Variants in ABI3BP observed in about 807,000 individuals in gnomAD.
The protein encoded by ABI3BP is ABI family member 3 binding protein.
Under a neutral mutation model 268.6 loss-of-function variants are expected in ABI3BP, and 216 were observed. The observed-to-expected ratio is 0.80, with a 90% CI of 0.72 to 0.90. The LOEUF is 0.90. Ranked by LOEUF, ABI3BP falls within the 40% of genes least tolerant of loss-of-function variation. ABI3BP has a pLI of 0.00. For missense variants in ABI3BP, 2,090 were observed against 2,182.4 expected (o/e 0.96, Z 0.84); for synonymous variants, 730 against 730.0 (o/e 1.00, Z 0.00).
intron 1 of ABI3BP, among the ~76,000 whole-genome samples, chr3:100,956,441 G>T (rs1049477598): frequency 2.0e-5 from 3 of 152,104 alleles, no homozygotes; most frequent in Admixed American, 2.0e-4. Flanking sequence ...AGGTCAATTC[G>T]TTAAATTGTT....
At chr3:100,955,528 C>G (rs1196585659) in intron 1 of ABI3BP, among the ~76,000 whole-genome samples, 1 of 152,160 alleles carries the variant, frequency 6.6e-6, no homozygotes, top group African/African-American at 2.4e-5. Flanking sequence ...TTAAATTAGA[C>G]TATTCTCTGC....
intron 1 of ABI3BP, among the ~76,000 whole-genome samples, chr3:100,942,096 T>C (rs1426826140): frequency 6.6e-6 from 1 of 152,158 alleles, no homozygotes; most frequent in African/African-American, 2.4e-5. Flanking sequence ...CTTATCTGCT[T>C]TTTATTTTAT....
At chr3:100,794,140 G>T (rs1456625902) in intron 54 of ABI3BP, among the ~76,000 whole-genome samples, 1 of 151,952 alleles carries the variant, frequency 6.6e-6, no homozygotes, top group African/African-American at 2.4e-5. Context: ...AATCTGAGAG[G>T]CCTTTCCTTA....
chr3:100,807,246 G>T (rs1175119073), intron 50 of ABI3BP, among the ~76,000 whole-genome samples: 1 of 151,390 alleles, frequency 6.6e-6, no homozygotes, highest in Non-Finnish European at 1.5e-5. Context: ...TAATAACTTG[G>T]TATATTCTTA....
intron 1 of ABI3BP, among the ~76,000 whole-genome samples, chr3:100,956,070 C>T (rs2076718093): frequency 6.6e-6 from 1 of 151,818 alleles, no homozygotes; most frequent in Non-Finnish European, 1.5e-5. Context: ...TACCTGTAAT[C>T]CCAGCTACTT....
chr3:100,947,380 G>A (rs967320956), intron 1 of ABI3BP, among the ~76,000 whole-genome samples: 2 of 152,100 alleles, frequency 1.3e-5, no homozygotes, highest in African/African-American at 4.8e-5. Context: ...GCCAATGTTC[G>A]CAAAATCTAA....
chr3:100,760,162 A>T (rs540494979), intron 63 of ABI3BP, among the ~76,000 whole-genome samples: 2 of 152,364 alleles, frequency 1.3e-5, no homozygotes, highest in East Asian at 3.9e-4. Context: ...AAATCCTCCC[A>T]AGCCAGAGAG....
At chr3:100,758,212 A>C (rs541487350) in intron 63 of ABI3BP, among the ~76,000 whole-genome samples, 2 of 152,328 alleles carry the variant, frequency 1.3e-5, no homozygotes, top group South Asian at 2.1e-4. Flanking sequence ...ACAGCTCACT[A>C]ATGTGTGACT....
At chr3:100,791,063 T>C (rs1577828967) in intron 55 of ABI3BP, among the ~76,000 whole-genome samples, 1 of 151,836 alleles carries the variant, frequency 6.6e-6, no homozygotes, top group South Asian at 2.1e-4. Context: ...CACCAAACAA[T>C]ATATGGCCTT....
intron 1 of ABI3BP, chr3:100,945,566 A>G (rs943916880): frequency 7.2e-6 from 3 of 417,166 alleles, no homozygotes; most frequent in African/African-American, 2.1e-5. Flanking sequence ...GTAATTAAAT[A>G]TAAATGGACT....
chr3:100,870,535 G>A (rs767307930), intron 9 of ABI3BP, among the ~76,000 whole-genome samples: 1 of 152,056 alleles, frequency 6.6e-6, no homozygotes, highest in African/African-American at 2.4e-5. Flanking sequence ...TAAGCAAAAC[G>A]ATAAAAAATA....
At chr3:100,988,913 A>T (rs907036411) in intron 1 of ABI3BP, among the ~76,000 whole-genome samples, 1 of 152,106 alleles carries the variant, frequency 6.6e-6, no homozygotes, top group Non-Finnish European at 1.5e-5. Flanking sequence ...TTACTTAAAC[A>T]CTCTGAGGCA....
chr3:100,972,934 A>T (rs1490175486), intron 1 of ABI3BP, among the ~76,000 whole-genome samples: 1 of 152,186 alleles, frequency 6.6e-6, no homozygotes, highest in Non-Finnish European at 1.5e-5. Flanking sequence ...CCCAATGTGC[A>T]TGTTCCTGGC....
At chr3:100,775,762 T>G (rs2096682625) in intron 59 of ABI3BP, among the ~76,000 whole-genome samples, 1 of 152,114 alleles carries the variant, frequency 6.6e-6, no homozygotes, top group South Asian at 2.1e-4. Context: ...CCTGGTGTGT[T>G]TAACTTGAAG....
At chr3:100,965,835 TC>T (rs2081082670) in intron 1 of ABI3BP, among the ~76,000 whole-genome samples, 1 of 152,188 alleles carries the variant, frequency 6.6e-6, no homozygotes, top group Non-Finnish European at 1.5e-5. Context: ...AAAATCCTTG[TC>T]CTCAGCCTGC....
At chr3:100,882,843 T>C (rs1363874231) in intron 6 of ABI3BP, among the ~76,000 whole-genome samples, 1 of 152,068 alleles carries the variant, frequency 6.6e-6, no homozygotes, top group Non-Finnish European at 1.5e-5. Flanking sequence ...AATGATATCA[T>C]GGAGTCACAT....
intron 67 of ABI3BP, 98 bp from the exon 68 acceptor site, chr3:100,750,708 ATCT>A: frequency 2.6e-6 from 2 of 771,716 alleles, no homozygotes; most frequent in Non-Finnish European, 2.1e-6. Context: ...CTGAAGGCTA[ATCT>A]TAGTGAAGCG....
At chr3:100,920,268 T>C (rs1394678303) in intron 2 of ABI3BP, among the ~76,000 whole-genome samples, 4 of 152,170 alleles carry the variant, frequency 2.6e-5, no homozygotes, top group African/African-American at 7.2e-5. Context: ...GCCAGAACTT[T>C]AGTGGAAAGT....
chr3:100,885,483 A>G (rs776945860), intron 6 of ABI3BP, 53 bp downstream of exon 6: 3 of 1,060,540 alleles, frequency 2.8e-6, no homozygotes, highest in Non-Finnish European at 4.0e-6. Context: ...TATTTCCTTA[A>G]CAATGCAGAT....
Sources: allele counts gnomAD v4.1 joint callset (sites outside exome capture counted in the v4.1 genomes callset), GRCh38; gene constraint gnomAD v4.1.1; transcripts MANE v1.5; gene names NCBI Gene and HGNC (gene_info 2026-07-23, HGNC 2026-07-21).